Variants in PKHD1 observed in about 807,000 individuals in gnomAD.
The protein encoded by PKHD1 is fibrocystin.
In PKHD1, 291 loss-of-function variants were observed where a neutral mutation model predicts 412.0. The ratio of observed to expected loss-of-function variants is 0.71; its 90% CI spans 0.64 to 0.78. The LOEUF (loss-of-function observed/expected upper bound fraction) is 0.78. Ranked by LOEUF, PKHD1 falls within the 30% of genes least tolerant of loss-of-function variation. PKHD1 has a pLI of 0.00. For missense variants in PKHD1, 4,825 were observed against 4,950.7 expected, an observed-to-expected ratio of 0.97 and a Z score of 0.76; for synonymous variants, 1,777 against 1,821.5, an observed-to-expected ratio of 0.98 and a Z score of 0.62.
At chr6:51,740,867 C>T (rs1191000809) in intron 60 of PKHD1, among the ~76,000 whole-genome samples, 1 of 152,180 alleles carries the variant, frequency 6.6e-6, no homozygotes, top group Non-Finnish European at 1.5e-5. Flanking sequence ...GTGCAGTAAA[C>T]AGCAGATTCC....
chr6:51,777,578 T>C (rs1791240049), intron 53 of PKHD1, among the ~76,000 whole-genome samples: 1 of 151,482 alleles, frequency 6.6e-6, no homozygotes, highest in Admixed American at 6.6e-5. Context: ...TTAGTAAATG[T>C]GTATGGCGTA....
rs550039489 is a variant in PKHD1 at position 51,923,605 on chromosome 6, A to G, written c.6121+10505T>C. ...ACAGAAAAGAGTTGATAAACATAAAATCAAAGGCAGAAACCATAAGAGAAA... is the reference window on the plus strand; with the variant it reads ...ACAGAAAAGAGTTGATAAACATAAAGTCAAAGGCAGAAACCATAAGAGAAA... On this transcript the variant is annotated intron_variant, in intron 37 of 66. Transcript: ENST00000371117. 2.6e-4 allele frequency among the ~76,000 whole-genome samples: 40 copies of G among 152,308 alleles called. No individual in the cohort carries two copies. In the South Asian group the frequency reaches 2.9e-3, roughly 11 times the overall value.
intron 2 of PKHD1, among the ~76,000 whole-genome samples, chr6:52,084,236 C>G (rs1812431424): frequency 6.6e-6 from 1 of 152,240 alleles, no homozygotes; most frequent in African/African-American, 2.4e-5. Flanking sequence ...CTTCCCTGTA[C>G]AGTTATTCTC....
At chr6:51,761,395 G>C (rs1562252990) in intron 55 of PKHD1, among the ~76,000 whole-genome samples, 1 of 152,206 alleles carries the variant, frequency 6.6e-6, no homozygotes, top group East Asian at 1.9e-4. Flanking sequence ...CTGGACTAGA[G>C]AGTAGAATGC....
chr6:52,019,206 C>A (rs1201806311), intron 33 of PKHD1, among the ~76,000 whole-genome samples: 1 of 152,194 alleles, frequency 6.6e-6, no homozygotes, highest in Non-Finnish European at 1.5e-5. Context: ...AGCAAGCCTG[C>A]CCATGTGGGT....
At chr6:51,897,548 A>T (rs557613275) in intron 43 of PKHD1, among the ~76,000 whole-genome samples, 1 of 144,334 alleles carries the variant, frequency 6.9e-6, no homozygotes, top group African/African-American at 2.7e-5. Context: ...GGTACCAGCC[A>T]CTGCAAAATC....
chr6:51,823,467 A>G (rs1242674891), intron 52 of PKHD1, among the ~76,000 whole-genome samples: 2 of 152,130 alleles, frequency 1.3e-5, no homozygotes, highest in African/African-American at 2.4e-5. Flanking sequence ...AAAGTCCTCT[A>G]TTAGAGTAAA....
intron 29 of PKHD1, among the ~76,000 whole-genome samples, chr6:52,032,699 C>T (rs1277972723): frequency 6.6e-6 from 1 of 152,114 alleles, no homozygotes; most frequent in Non-Finnish European, 1.5e-5. Context: ...AAATTAGGGG[C>T]AAGGATTAAA....
intron 6 of PKHD1, among the ~76,000 whole-genome samples, chr6:52,074,464 A>T (rs145564836): frequency 3.3e-5 from 5 of 152,220 alleles, no homozygotes; most frequent in African/African-American, 1.2e-4. Context: ...TGCTAAAAAA[A>T]ATCTGGCAGA....
chr6:51,949,884 T>TG (rs897946500), intron 36 of PKHD1, among the ~76,000 whole-genome samples: 15 of 152,124 alleles, frequency 9.9e-5, no homozygotes, highest in Admixed American at 7.2e-4. Flanking sequence ...AAGCAGAGGC[T>TG]GCTGCTGCTG....
At chr6:51,692,819 C>G (rs1321187477) in intron 60 of PKHD1, among the ~76,000 whole-genome samples, 4 of 152,078 alleles carry the variant, frequency 2.6e-5, no homozygotes, top group Admixed American at 1.3e-4. Flanking sequence ...AAATCTCAAT[C>G]CACTGACATC....
rs926899414 is a variant in PKHD1, at chr6:51,959,750, G to T, written c.5908+120C>A. The T allele has an allele frequency of 4.3e-6, 4 of 929,680 alleles. No homozygotes were observed. In the African/African-American group the frequency reaches 4.9e-5, roughly 11 times the overall value. 57.6% of individuals were successfully genotyped at this position (929,680 alleles called of 1,614,324 possible). A position where few individuals can be genotyped will look rare whatever the true frequency, so the allele number is the denominator to read the frequency against. On this transcript the variant is annotated intron_variant, in intron 36 of 66. Transcript: ENST00000371117. ...CTTTACATAGTAAAATTTCAGTTTGGTCTGAGGATAAATTGTCAACTAAGT... is the reference window on the plus strand; with the variant it reads ...CTTTACATAGTAAAATTTCAGTTTGTTCTGAGGATAAATTGTCAACTAAGT...
chr6:51,688,982 A>C (rs1264421751), intron 60 of PKHD1, among the ~76,000 whole-genome samples: 1 of 152,126 alleles, frequency 6.6e-6, no homozygotes, highest in Non-Finnish European at 1.5e-5. Flanking sequence ...GGGACTCCGC[A>C]CTAACACATT....
intron 60 of PKHD1, among the ~76,000 whole-genome samples, chr6:51,712,357 T>A (rs1780756087): frequency 1.3e-5 from 2 of 152,106 alleles, no homozygotes; most frequent in African/African-American, 4.8e-5. Flanking sequence ...ATTTGGAGGG[T>A]CAGAAGTACT....
At chr6:51,957,240 A>G (rs1791287634) in intron 36 of PKHD1, among the ~76,000 whole-genome samples, 1 of 152,064 alleles carries the variant, frequency 6.6e-6, no homozygotes, top group African/African-American at 2.4e-5. Context: ...TATTACATTT[A>G]TATACCAGCA....
At chr6:51,885,397 G>A (rs1332389400) in intron 45 of PKHD1, among the ~76,000 whole-genome samples, 1 of 152,148 alleles carries the variant, frequency 6.6e-6, no homozygotes, top group African/African-American at 2.4e-5. Flanking sequence ...TCTTAAGACT[G>A]GGGCATGTAT....
At chr6:52,050,692 A>C (rs1401793985) in intron 21 of PKHD1, among the ~76,000 whole-genome samples, 1 of 152,122 alleles carries the variant, frequency 6.6e-6, no homozygotes. Flanking sequence ...TCCTCTTAGG[A>C]GCACTGAACT....
intron 64 of PKHD1, among the ~76,000 whole-genome samples, chr6:51,633,562 A>G (rs2150308253): frequency 6.6e-6 from 1 of 152,322 alleles, no homozygotes; most frequent in Non-Finnish European, 1.5e-5. Context: ...AAAGGAAAAG[A>G]AACAAACACA....
chr6:51,852,869 C>G (rs1772562929), intron 49 of PKHD1, among the ~76,000 whole-genome samples: 1 of 152,064 alleles, frequency 6.6e-6, no homozygotes, highest in Non-Finnish European at 1.5e-5. Context: ...ATCCAATTTG[C>G]CAATCTGTGT....
Sources: allele counts gnomAD v4.1 joint callset (sites outside exome capture counted in the v4.1 genomes callset), GRCh38; gene constraint gnomAD v4.1.1; transcripts MANE v1.5; gene names NCBI Gene and HGNC (gene_info 2026-07-23, HGNC 2026-07-21).